The following KCNK2 variants were observed in gnomAD, a reference collection of about 807,000 sequenced individuals.
The protein encoded by KCNK2 is potassium channel subfamily K member 2.
In KCNK2, 21 loss-of-function variants were observed where a neutral mutation model predicts 40.5. That is an observed-to-expected ratio of 0.52 (90% CI 0.37 to 0.75). KCNK2 has a LOEUF of 0.75. Ranked by LOEUF, KCNK2 falls within the 30% of genes least tolerant of loss-of-function variation. The pLI, the probability that KCNK2 is intolerant of heterozygous loss-of-function variation, is 0.00. For synonymous variants in KCNK2, 191 were observed against 202.2 expected, an observed-to-expected ratio of 0.94 and a Z score of 0.47; for missense variants, 399 against 531.6, an observed-to-expected ratio of 0.75 and a Z score of 2.45.
chr1:215,005,744 T>C (rs1048327344), upstream of KCNK2: 1 of 575,260 alleles, frequency 1.7e-6, no homozygotes. Flanking sequence ...TCGTTTTGAG[T>C]GTTTTTGTAC....
At position 215,194,954 on chromosome 1, in the gene KCNK2, T is replaced by C; in HGVS notation, c.825T>C (p.Gly275=). 1.9e-6 allele frequency: 3 copies of C among 1,613,082 alleles called. No individual in the cohort carries two copies. Among genetic ancestry groups the C allele is most frequent in the Non-Finnish European group, 2.5e-6 (3 of 1,179,304 alleles). The change falls in exon 6 of 7, where the codon GGT becomes GGC. Residue 275 remains glycine (G), a splice_region_variant and synonymous_variant. Coordinates refer to ENST00000444842, the MANE Select transcript of KCNK2 (RefSeq NM_001017425.3). ...TGTTTTACTTTGTTTTGTCTCCAGG[T>C]GGATCCGATATTGAATATCTGGACT... ...TTIGFGDYVA[G]GSDIEYLDFY...
intron 1 of KCNK2, among the ~76,000 whole-genome samples, chr1:215,083,954 C>A (rs1227986530): frequency 6.6e-6 from 1 of 152,114 alleles, no homozygotes; most frequent in Non-Finnish European, 1.5e-5. Context: ...GTGGAAGGGG[C>A]AGCTTCTCTC....
intron 1 of KCNK2, among the ~76,000 whole-genome samples, chr1:215,064,863 C>T (rs549527870): frequency 4.1e-4 from 62 of 152,252 alleles, no homozygotes; most frequent in South Asian, 1.5e-3. Context: ...ATTCTAACTT[C>T]CTCTTCCTCC....
chr1:215,008,122 T>G (rs903775937), intron 1 of KCNK2, among the ~76,000 whole-genome samples: 4 of 151,966 alleles, frequency 2.6e-5, no homozygotes, highest in African/African-American at 9.7e-5. Flanking sequence ...AGTCTTTTTT[T>G]TTTTTTTTAA....
intron 1 of KCNK2, among the ~76,000 whole-genome samples, chr1:215,075,982 T>C (rs1040858539): frequency 2.0e-5 from 3 of 152,234 alleles, no homozygotes; most frequent in Non-Finnish European, 2.9e-5. Flanking sequence ...CCATAATCTG[T>C]GCTCTAACGA....
chr1:215,081,796 T>G (rs764829006), upstream of KCNK2: 3 of 152,108 alleles, frequency 2.0e-5, no homozygotes, highest in Non-Finnish European at 4.4e-5. Context: ...ATCACGTGTG[T>G]TGTTAGAGAA....
intron 1 of KCNK2, among the ~76,000 whole-genome samples, chr1:215,057,166 T>C (rs1009708406): frequency 1.3e-5 from 2 of 152,002 alleles, no homozygotes; most frequent in African/African-American, 4.8e-5. Flanking sequence ...ATTAAGCCCA[T>C]GCTTGGGACA....
At chr1:215,166,068 T>C (rs930237582) in intron 3 of KCNK2, among the ~76,000 whole-genome samples, 2 of 152,162 alleles carry the variant, frequency 1.3e-5, no homozygotes, top group African/African-American at 4.8e-5. Flanking sequence ...ATATCTAACA[T>C]CTTAAAAGAT....
intron 3 of KCNK2, among the ~76,000 whole-genome samples, chr1:215,136,543 A>G (rs538497119): frequency 6.6e-6 from 1 of 152,200 alleles, no homozygotes; most frequent in African/African-American, 2.4e-5. Context: ...ATATTCTGTG[A>G]CAATTCCCAT....
intron 2 of KCNK2, among the ~76,000 whole-genome samples, chr1:215,108,680 G>C (rs1235068700): frequency 6.6e-6 from 1 of 151,712 alleles, no homozygotes; most frequent in African/African-American, 2.4e-5. Flanking sequence ...TTTGGTAAAG[G>C]GTTTATTAAG....
chr1:215,044,826 TGCGC>T lies in KCNK2; in HGVS notation c.34+38876_34+38879del, dbSNP rs59432481. Among the ~76,000 whole-genome samples, 1,240 of 140,410 alleles carry T rather than the reference TGCGC, an allele frequency of 8.8e-3. 16 individuals are homozygous for T. The highest frequency in any genetic ancestry group is 0.021 in the African/African-American group (726 of 35,318). 92.1% of individuals were successfully genotyped at this position (140,410 alleles called of 152,430 possible). A position where few individuals can be genotyped will look rare whatever the true frequency, so the allele number is the denominator to read the frequency against. On this transcript the variant is annotated intron_variant, in intron 1 of 6. Transcript: ENST00000391895. ...GTGTGTGTGTGTGTGTGTGTGTGTG[TGCGC>T]GCGCACACGTGTGTTGATGACGAGT...
chr1:215,112,869 TATG>T (rs1348929492), intron 2 of KCNK2, among the ~76,000 whole-genome samples: 3 of 152,150 alleles, frequency 2.0e-5, no homozygotes, highest in African/African-American at 7.2e-5. Flanking sequence ...AAGTACTCTC[TATG>T]ATGTTCACAA....
At chr1:215,156,028 T>C (rs969361963) in intron 3 of KCNK2, among the ~76,000 whole-genome samples, 2 of 151,354 alleles carry the variant, frequency 1.3e-5, no homozygotes, top group African/African-American at 2.4e-5. Context: ...ATTATGTGTG[T>C]GTGTATATAT....
chr1:215,057,934 T>C (rs1658225266), intron 1 of KCNK2, among the ~76,000 whole-genome samples: 1 of 152,076 alleles, frequency 6.6e-6, no homozygotes. Flanking sequence ...GCTCAGTGAA[T>C]AGTAGTGACA....
intron 6 of KCNK2, among the ~76,000 whole-genome samples, chr1:215,220,217 T>C (rs991901862): frequency 3.3e-5 from 5 of 152,234 alleles, no homozygotes; most frequent in African/African-American, 1.2e-4. Context: ...TCTGATATAA[T>C]AGAGTTACTT....
chr1:215,030,766 C>G (rs1657161055), intron 1 of KCNK2, among the ~76,000 whole-genome samples: 1 of 149,470 alleles, frequency 6.7e-6, no homozygotes, highest in South Asian at 2.1e-4. Context: ...AGGCTGATCT[C>G]AAACTCCTGG....
At chr1:215,163,052 A>G (rs1663276990) in intron 3 of KCNK2, among the ~76,000 whole-genome samples, 1 of 152,086 alleles carries the variant, frequency 6.6e-6, no homozygotes, top group South Asian at 2.1e-4. Flanking sequence ...GATTCTTCCT[A>G]TCCATGAGCA....
At chr1:215,005,719 T>G (rs562747900), upstream of KCNK2, 1 of 548,542 alleles carries the variant, frequency 1.8e-6, no homozygotes. Flanking sequence ...TTCACTTGCA[T>G]ACAGCAGCGT....
At chr1:215,042,094 A>G (rs1657588238) in intron 1 of KCNK2, among the ~76,000 whole-genome samples, 3 of 152,122 alleles carry the variant, frequency 2.0e-5, no homozygotes, top group South Asian at 4.1e-4. Flanking sequence ...CCATGATTCA[A>G]TTACCTCCCA....
Sources: gnomAD v4.1 joint callset for allele counts (sites outside exome capture counted in the v4.1 genomes callset) on GRCh38, gnomAD v4.1.1 for gene constraint, MANE v1.5 for transcripts, NCBI Gene and HGNC (gene_info 2026-07-23, HGNC 2026-07-21) for gene names.